Variants in CCDC91 observed in about 807,000 individuals in gnomAD.
The protein encoded by CCDC91 is coiled-coil domain-containing protein 91.
A neutral mutation model predicts 63.2 loss-of-function variants in CCDC91; 48 were observed. That is an observed-to-expected ratio of 0.76 (90% CI 0.60 to 0.97). The LOEUF (loss-of-function observed/expected upper bound fraction) is 0.97. CCDC91 is among the 50% of genes least tolerant of loss of function. CCDC91 has a pLI of 0.00. For synonymous variants in CCDC91, 167 were observed against 165.8 expected (o/e 1.01, Z -0.06); for missense variants, 500 against 494.6 (o/e 1.01, Z -0.10).
intron 12 of CCDC91, among the ~76,000 whole-genome samples, chr12:28,525,714 C>T (rs1347923032): frequency 2.6e-5 from 4 of 152,008 alleles, no homozygotes; most frequent in African/African-American, 9.7e-5. Flanking sequence ...AGTCCCCCCA[C>T]TATTATTATG....
In CCDC91 at chr12:28,282,898, C is replaced by T. The variant is rs114638711; in HGVS notation, c.110-22751C>T. On this transcript the variant is annotated intron_variant, in intron 3 of 12. Coordinates refer to ENST00000536442, the MANE Select transcript of CCDC91 (RefSeq NM_018318.5). ...AGTTTTTACATATGGTGAGAGATAGCGATCCCGTTTTATTCTTCTACATGT... is the reference window on the plus strand; with the variant it reads ...AGTTTTTACATATGGTGAGAGATAGTGATCCCGTTTTATTCTTCTACATGT... Among the ~76,000 whole-genome samples the T allele has an allele frequency of 5.8e-3, 883 of 151,984 alleles. 9 individuals are homozygous for T. The highest frequency in any genetic ancestry group is 0.02 in the African/African-American group (843 of 41,490).
At chr12:28,246,436 G>A (rs1204063980) in intron 1 of CCDC91, among the ~76,000 whole-genome samples, 1 of 152,082 alleles carries the variant, frequency 6.6e-6, no homozygotes, top group African/African-American at 2.4e-5. Flanking sequence ...TGATATATTT[G>A]TAGACTTTTT....
intron 6 of CCDC91, among the ~76,000 whole-genome samples, chr12:28,335,334 T>C (rs1191273343): frequency 1.4e-5 from 2 of 140,702 alleles, no homozygotes; most frequent in Non-Finnish European, 3.0e-5. Context: ...TAATATATTA[T>C]AAATATTTAT....
intron 8 of CCDC91, among the ~76,000 whole-genome samples, chr12:28,392,933 T>A (rs1476599090): frequency 2.0e-5 from 3 of 152,182 alleles, no homozygotes; most frequent in African/African-American, 4.8e-5. Flanking sequence ...GGTAGGGTAT[T>A]TACTGTAAAC....
intron 1 of CCDC91, among the ~76,000 whole-genome samples, chr12:28,212,909 G>T (rs1405468195): frequency 6.6e-6 from 1 of 152,212 alleles, no homozygotes; most frequent in East Asian, 1.9e-4. Context: ...GGATACAGGA[G>T]TAAGTGCCAC....
rs1347798819 is a variant in CCDC91 at position 28,276,811 on chromosome 12, C to T, written c.109+17369C>T. Among the ~76,000 whole-genome samples the T allele has an allele frequency of 5.9e-5, 9 of 151,930 alleles. No homozygotes were observed. The East Asian group carries it at 1.4e-3, about 23-fold the overall frequency. On this transcript the variant is annotated intron_variant, in intron 3 of 12. Transcript: ENST00000536442. ...GATTTTTGTAAGCTAACAAAAAAATCGAATGTTACAGAATCTGTGCTATAA... is the reference window on the plus strand; with the variant it reads ...GATTTTTGTAAGCTAACAAAAAAATTGAATGTTACAGAATCTGTGCTATAA...
chr12:28,486,055 T>C (rs1417255116), intron 12 of CCDC91, among the ~76,000 whole-genome samples: 1 of 152,214 alleles, frequency 6.6e-6, no homozygotes, highest in Non-Finnish European at 1.5e-5. Flanking sequence ...TGACTATAGA[T>C]GTAGAATGTT....
intron 8 of CCDC91, among the ~76,000 whole-genome samples, chr12:28,439,092 T>G (rs1949051151): frequency 6.6e-6 from 1 of 152,196 alleles, no homozygotes; most frequent in Admixed American, 6.5e-5. Flanking sequence ...TAAGTCAAAG[T>G]CCTACTTAAA....
chr12:28,388,112 C>T lies in CCDC91; in HGVS notation c.655-3192C>T, dbSNP rs1486429702. On this transcript the variant is annotated intron_variant, in intron 7 of 12. Transcript: ENST00000536442. ...TGGTATTGCATTGTGGTTTGATTTG[C>T]ATTTCCCTGATCATTAGTGATGTTG... 3.3e-5 allele frequency among the ~76,000 whole-genome samples: 5 copies of T among 152,274 alleles called. No homozygotes were observed. In the East Asian group the frequency reaches 7.7e-4, roughly 24 times the overall value.
intron 7 of CCDC91, among the ~76,000 whole-genome samples, chr12:28,390,960 C>CTTGTTTTTTTTT: frequency 7.2e-6 from 1 of 139,342 alleles, no homozygotes; most frequent in Non-Finnish European, 1.5e-5. Flanking sequence ...TTTTCAGCAG[C>CTTGTTTTTTTTT]TTTCATACAC....
intron 3 of CCDC91, among the ~76,000 whole-genome samples, chr12:28,274,096 G>A (rs1251829604): frequency 1.3e-5 from 2 of 152,120 alleles, no homozygotes; most frequent in African/African-American, 4.8e-5. Flanking sequence ...ATTAAACAGG[G>A]AATCGTTTCC....
chr12:28,315,595 G>A (rs1210240489), intron 6 of CCDC91, among the ~76,000 whole-genome samples: 2 of 151,784 alleles, frequency 1.3e-5, no homozygotes, highest in African/African-American at 4.8e-5. Context: ...TTAAATTTTA[G>A]AACAATAATC....
At chr12:28,194,523 A>T (rs11833869) in intron 1 of CCDC91, among the ~76,000 whole-genome samples, 1,770 of 152,328 alleles carry the variant, frequency 0.012, 8 homozygotes, top group Middle Eastern at 0.02. Flanking sequence ...GAGCAAAGCC[A>T]CAGACCTTTG....
intron 12 of CCDC91, among the ~76,000 whole-genome samples, chr12:28,542,368 T>C (rs1023670745): frequency 1.3e-5 from 2 of 152,122 alleles, no homozygotes; most frequent in Non-Finnish European, 2.9e-5. Flanking sequence ...AGAGCATCTG[T>C]AATTCATCTT....
chr12:28,279,297 T>C (rs533561510), intron 3 of CCDC91, among the ~76,000 whole-genome samples: 1 of 152,222 alleles, frequency 6.6e-6, no homozygotes, highest in Admixed American at 6.6e-5. Flanking sequence ...CTTGTTTATA[T>C]TTGTATCCTC....
At chr12:28,300,724 TAGATGTTCTATCCTATTACA>T (rs1243449860) in intron 3 of CCDC91, among the ~76,000 whole-genome samples, 1 of 151,600 alleles carries the variant, frequency 6.6e-6, no homozygotes, top group African/African-American at 2.4e-5. Flanking sequence ...TTATGATATT[TAGATGTTCTATCCTATTACA>T]AGAGATATCT....
At position 28,301,339 on chromosome 12, in the gene CCDC91, A is replaced by T. The variant is rs546951455; in HGVS notation, c.110-4310A>T. ...TGGAGATAATCATATAATTTTTTTT[A>T]AAATTCTGTTATTATGGAGTATTAT... On this transcript the variant is annotated intron_variant, in intron 3 of 12. Transcript: ENST00000536442. Among the ~76,000 whole-genome samples the T allele has an allele frequency of 1.1e-3, 166 of 151,644 alleles. 1 individual carries two copies. Among genetic ancestry groups the T allele is most frequent in the African/African-American group, 3.3e-3 (139 of 41,496 alleles).
At chr12:28,416,733 G>A (rs745646370) in intron 8 of CCDC91, among the ~76,000 whole-genome samples, 2 of 152,106 alleles carry the variant, frequency 1.3e-5, no homozygotes, top group Non-Finnish European at 2.9e-5. Context: ...GCAAGATCAG[G>A]AGCCAGGGTC....
intron 8 of CCDC91, among the ~76,000 whole-genome samples, chr12:28,420,757 G>GTT (rs575991136): frequency 1.2e-3 from 171 of 142,304 alleles, no homozygotes; most frequent in African/African-American, 3.6e-3. Context: ...GCATTTTATG[G>GTT]TTTTTTTTTT....
Sources: gnomAD v4.1 joint callset for allele counts (sites outside exome capture counted in the v4.1 genomes callset) on GRCh38, gnomAD v4.1.1 for gene constraint, MANE v1.5 for transcripts, NCBI Gene and HGNC (gene_info 2026-07-23, HGNC 2026-07-21) for gene names.